Variants in SHANK2 observed in about 807,000 individuals in gnomAD.
The protein encoded by SHANK2 is SH3 and multiple ankyrin repeat domains protein 2.
Under a neutral mutation model 133.7 loss-of-function variants are expected in SHANK2, and 43 were observed. The ratio of observed to expected loss-of-function variants is 0.32; its 90% confidence interval spans 0.25 to 0.41. The LOEUF (loss-of-function observed/expected upper bound fraction) is 0.41, where lower values mean the gene tolerates loss of function less well. Ranked by LOEUF, SHANK2 falls within the 10% of genes least tolerant of loss-of-function variation. The pLI, the probability that SHANK2 is intolerant of heterozygous loss-of-function variation, is 1.00. For synonymous variants in SHANK2, 1,017 were observed against 952.8 expected (o/e 1.07, Z -1.24); for missense variants, 1,994 against 2,235.8 (o/e 0.89, Z 2.18).
intron 17 of SHANK2, among the ~76,000 whole-genome samples, chr11:70,519,370 T>C (rs1407388814): frequency 6.6e-6 from 1 of 152,132 alleles, no homozygotes; most frequent in Non-Finnish European, 1.5e-5. Context: ...AGTGTCATTA[T>C]GGGCGGGGCA....
chr11:70,833,300 C>G (rs1216955618), intron 11 of SHANK2, among the ~76,000 whole-genome samples: 2 of 152,388 alleles, frequency 1.3e-5, no homozygotes, highest in Middle Eastern at 3.4e-3. Flanking sequence ...CCGCAGTTCC[C>G]AGGCCTGGCT....
At chr11:70,901,742 C>T (rs972783756) in intron 10 of SHANK2, among the ~76,000 whole-genome samples, 5 of 152,256 alleles carry the variant, frequency 3.3e-5, no homozygotes, top group African/African-American at 4.8e-5. Flanking sequence ...TGCAAGCCAT[C>T]GCCAGCTTTG....
At chr11:70,848,587 C>T (rs1279384931) in intron 11 of SHANK2, among the ~76,000 whole-genome samples, 1 of 152,194 alleles carries the variant, frequency 6.6e-6, no homozygotes, top group African/African-American at 2.4e-5. Context: ...CCCTTAAGTA[C>T]ATTCTGAGGG....
chr11:70,807,188 G>A lies in SHANK2; in HGVS notation c.1494-17C>T, dbSNP rs978107087. 2.8e-6 allele frequency: 2 copies of A among 714,588 alleles called. No individual in the cohort carries two copies. The highest frequency in any genetic ancestry group is 5.2e-6 in the Non-Finnish European group (2 of 384,408). 44.3% of individuals were successfully genotyped at this position (714,588 alleles called of 1,614,324 possible). Reference sequence around the variant, plus strand: ...AAAGGCGACCTGGACCAGGTGAGAGGGGCAGAGAGAGAGAGAGCAGAGTCA... The same window carrying A: ...AAAGGCGACCTGGACCAGGTGAGAGAGGCAGAGAGAGAGAGAGCAGAGTCA... On this transcript the variant is annotated splice_polypyrimidine_tract_variant and intron_variant, in intron 12 of 25. Transcript: ENST00000601538. This position sits in a 1 kb window ranked among gnomAD's most constrained non-coding sequence, Gnocchi z 4.8.
Position 70,659,836 on chromosome 11 carries a change from A to G in SHANK2, c.2053T>C (p.Leu685=). The change falls in exon 17 of 26, where the codon TTG becomes CTG. Residue 685 remains leucine (L), a synonymous_variant. Coordinates refer to ENST00000601538, the MANE Select transcript of SHANK2 (RefSeq NM_012309.5). ...GACACCTGTGTCCCTACCTCAATCAAGAAGTCCCCGGTCCTTAGTCCGGCT... is the reference window on the plus strand; with the variant it reads ...GACACCTGTGTCCCTACCTCAATCAGGAAGTCCCCGGTCCTTAGTCCGGCT... ...WQAGLRTGDF[L]IEVNNENVVK... is the part of the protein sequence containing the mutation. The G allele has an allele frequency of 6.2e-7, 1 of 1,614,062 alleles. No homozygotes were observed. Among genetic ancestry groups the G allele is most frequent in the African/African-American group, 1.3e-5 (1 of 74,992 alleles).
At chr11:70,690,746 A>T (rs1387598341) in intron 15 of SHANK2, among the ~76,000 whole-genome samples, 1 of 150,326 alleles carries the variant, frequency 6.7e-6, no homozygotes, top group Non-Finnish European at 1.5e-5. Context: ...GATAGTGTCT[A>T]AAATGTATTA....
At chr11:70,877,943 G>A (rs978734486) in intron 11 of SHANK2, among the ~76,000 whole-genome samples, 1 of 152,238 alleles carries the variant, frequency 6.6e-6, no homozygotes, top group Non-Finnish European at 1.5e-5. Flanking sequence ...AGCCATATTG[G>A]TTGGGTGTGC....
intron 2 of SHANK2, among the ~76,000 whole-genome samples, chr11:71,164,990 G>A (rs1219603416): frequency 3.3e-5 from 5 of 151,970 alleles, no homozygotes; most frequent in Admixed American, 2.6e-4. Context: ...ATGTTTGTGG[G>A]AACCCAGCTG....
intron 17 of SHANK2, among the ~76,000 whole-genome samples, chr11:70,650,303 A>C (rs1274477537): frequency 6.6e-6 from 1 of 152,234 alleles, no homozygotes; most frequent in Non-Finnish European, 1.5e-5. Context: ...GTCACTAAGT[A>C]ATGAGCCTCT....
At chr11:71,129,232 G>A (rs550183098) in intron 3 of SHANK2, among the ~76,000 whole-genome samples, 77 of 152,202 alleles carry the variant, frequency 5.1e-4, no homozygotes, top group Non-Finnish European at 9.4e-4. Flanking sequence ...CGGGGCTGAC[G>A]GGAGTTTCTG....
chr11:71,076,191 G>A (rs1951215933), intron 8 of SHANK2, among the ~76,000 whole-genome samples: 2 of 152,144 alleles, frequency 1.3e-5, no homozygotes, highest in African/African-American at 4.8e-5. Flanking sequence ...CGACATGGTG[G>A]CCACAACCTT....
intron 10 of SHANK2, among the ~76,000 whole-genome samples, chr11:70,917,562 C>T (rs1165575286): frequency 6.6e-6 from 1 of 152,154 alleles, no homozygotes; most frequent in Non-Finnish European, 1.5e-5. Context: ...CACACGTGTT[C>T]ACTGCAGTAC....
chr11:70,858,348 C>T (rs950569527), intron 11 of SHANK2, among the ~76,000 whole-genome samples: 1 of 152,212 alleles, frequency 6.6e-6, no homozygotes, highest in East Asian at 1.9e-4. Flanking sequence ...AGGCAGGGTG[C>T]ATGTGATACC....
intron 17 of SHANK2, among the ~76,000 whole-genome samples, chr11:70,513,679 C>CA (rs1221311056): frequency 6.6e-6 from 1 of 152,136 alleles, no homozygotes; most frequent in Non-Finnish European, 1.5e-5. Context: ...GAATAAAAGA[C>CA]AGGAAATCCC....
chr11:70,721,633 GC>G (rs1261012784), intron 14 of SHANK2, among the ~76,000 whole-genome samples: 1 of 152,216 alleles, frequency 6.6e-6, no homozygotes, highest in Non-Finnish European at 1.5e-5. Flanking sequence ...AGGTTCGTGG[GC>G]CAGCTAGTGC....
At chr11:70,948,684 G>C (rs1035053056) in intron 10 of SHANK2, among the ~76,000 whole-genome samples, 6 of 152,178 alleles carry the variant, frequency 3.9e-5, no homozygotes, top group Non-Finnish European at 8.8e-5. Flanking sequence ...GGGAGCGGTG[G>C]GGAGTGTGGC....
chr11:71,075,398 A>G (rs941507561), intron 8 of SHANK2, 123 bp from the exon 9 acceptor site: 150,111 of 159,074 alleles, frequency 0.94, 71,255 homozygotes, highest in Non-Finnish European at 1. Flanking sequence ...GGGCCTGTGC[A>G]GACCCCAACC....
chr11:70,567,579 G>T (rs2059983726), intron 17 of SHANK2, among the ~76,000 whole-genome samples: 1 of 151,652 alleles, frequency 6.6e-6, no homozygotes, highest in Non-Finnish European at 1.5e-5. Flanking sequence ...GTGAGCCAAG[G>T]TCGCACTACT....
At chr11:70,770,106 G>C (rs923246876) in intron 14 of SHANK2, among the ~76,000 whole-genome samples, 1 of 152,246 alleles carries the variant, frequency 6.6e-6, no homozygotes, top group East Asian at 1.9e-4. Flanking sequence ...CAAAGCAGCT[G>C]AGGGGAAGAT....
Sources: gnomAD v4.1 joint callset for allele counts (sites outside exome capture counted in the v4.1 genomes callset) on GRCh38, gnomAD v4.1.1 for gene constraint, Gnocchi (gnomAD v3.1) non-coding constraint, MANE v1.5 for transcripts, NCBI Gene and HGNC (gene_info 2026-07-23, HGNC 2026-07-21) for gene names.